CBX6: variants seen among roughly 807,000 people sequenced by gnomAD.
CBX6 encodes the protein chromobox protein homolog 6.
In CBX6, 7 loss-of-function variants were observed where a neutral mutation model predicts 28.4. That is an observed-to-expected ratio of 0.25 (90% confidence interval 0.14 to 0.46). The LOEUF (loss-of-function observed/expected upper bound fraction) is 0.46, where lower values mean the gene tolerates loss of function less well. Among genes scored for constraint, CBX6 ranks in the 20% least tolerant of loss-of-function variants. The probability of loss-of-function intolerance (pLI) is 0.99; values close to 1 mark genes in which losing one functional copy is unlikely to be tolerated. For synonymous variants in CBX6, 297 were observed against 273.4 expected (o/e 1.09, Z -0.85); for missense variants, 512 against 606.1 (o/e 0.84, Z 1.63).
rs1396956318 is a variant in CBX6, at chr22:38,865,911, G to A, written c.*298C>T. 2.3e-6 allele frequency: 1 copy of A among 428,872 alleles called. No homozygotes were observed. Among genetic ancestry groups the A allele is most frequent in the Non-Finnish European group, 4.2e-6 (1 of 239,912 alleles). The allele number at this position is 428,872 out of a possible 1,614,324, so 26.6% of individuals were successfully genotyped here. The stretch of plus-strand genomic sequence containing the variant: ...AGGAGAGCAGGAAGCAAGCTAGAGA[G>A]ACAGGTGGGATGTGGAAGGGGCAGA... On this transcript the variant is annotated 3_prime_UTR_variant, in exon 5 of 5. Coordinates refer to ENST00000407418, the MANE Select transcript of CBX6 (RefSeq NM_014292.5).
In CBX6 at chr22:38,865,621, G is replaced by A. The variant is rs41281245; in HGVS notation, c.*588C>T. ...AGGAAAGAGCCAGGGCTGGGGCAGG[G>A]CATAGGGGGTCTACTTAGGCCTCGT... On this transcript the variant is annotated 3_prime_UTR_variant, in exon 5 of 5. Coordinates refer to ENST00000407418, the MANE Select transcript of CBX6 (RefSeq NM_014292.5). The A allele has an allele frequency of 6.0e-3, 924 of 154,374 alleles. 3 individuals are homozygous for A. Among genetic ancestry groups the A allele is most frequent in the Non-Finnish European group, 0.01 (704 of 69,206 alleles). The allele number at this position is 154,374 out of a possible 1,614,324, so 9.6% of individuals were successfully genotyped here. A position where few individuals can be genotyped will look rare whatever the true frequency, so the allele number is the denominator to read the frequency against.
chr22:38,868,436 A>T (rs2093175415), intron 4 of CBX6, among the ~76,000 whole-genome samples: 1 of 152,206 alleles, frequency 6.6e-6, no homozygotes, highest in Admixed American at 6.5e-5. Flanking sequence ...CCTGGTCCTT[A>T]CTGAGCCCTG....
chr22:38,867,221 T>TGGGGG lies in CBX6; in HGVS notation c.247-21_247-20insCCCCC. The TGGGGG allele has an allele frequency of 2.7e-6, 1 of 373,922 alleles. No individual in the cohort carries two copies. Among genetic ancestry groups the TGGGGG allele is most frequent in the Non-Finnish European group, 5.2e-6 (1 of 193,756 alleles). 23.2% of individuals were successfully genotyped at this position (373,922 alleles called of 1,614,324 possible). On this transcript the variant is annotated intron_variant, in intron 4 of 4. Coordinates refer to ENST00000407418, the MANE Select transcript of CBX6 (RefSeq NM_014292.5). Reference sequence around the variant, plus strand: ...CCGCGCCTGCGGGCAGAGGGAGGGGTGGGTGGGACCTCAGGACTGCCCGCT... The same window carrying TGGGGG: ...CCGCGCCTGCGGGCAGAGGGAGGGGTGGGGGGGGTGGGACCTCAGGACTGCCCGCT...
At position 38,866,095 on chromosome 22, in the gene CBX6, T is replaced by C. The variant is rs2093168640; in HGVS notation, c.*114A>G. ...CCATCCCTGGGTCAACACCGAGCCA[T>C]TTGAGACAAGCAAAGCACAGGGAGA... On this transcript the variant is annotated 3_prime_UTR_variant, in exon 5 of 5. Transcript: ENST00000407418. The surrounding 1 kb of genome is among the most constrained non-coding windows in gnomAD (Gnocchi z 7.5). 1.2e-6 allele frequency: 1 copy of C among 859,330 alleles called. No individual in the cohort carries two copies. The highest frequency in any genetic ancestry group is 1.8e-6 in the Non-Finnish European group (1 of 567,890). The allele number at this position is 859,330 out of a possible 1,614,324, so 53.2% of individuals were successfully genotyped here. A position where few individuals can be genotyped will look rare whatever the true frequency, so the allele number is the denominator to read the frequency against.
At position 38,864,677 on chromosome 22, in the gene CBX6, G is replaced by A. The variant is rs2093165328; in HGVS notation, c.*1532C>T. ...GCCTCCCATTCTTAGGACCAAAGGC[G>A]CTAGGGTTCTGATCGGCCTCCTGCC... On this transcript the variant is annotated 3_prime_UTR_variant, in exon 5 of 5. Coordinates refer to ENST00000407418, the MANE Select transcript of CBX6 (RefSeq NM_014292.5). 6.6e-6 allele frequency: 1 copy of A among 152,332 alleles called. No homozygotes were observed. Among genetic ancestry groups the A allele is most frequent in the Non-Finnish European group, 1.5e-5 (1 of 68,100 alleles). The allele number at this position is 152,332 out of a possible 1,614,324, so 9.4% of individuals were successfully genotyped here. A position where few individuals can be genotyped will look rare whatever the true frequency, so the allele number is the denominator to read the frequency against.
chr22:38,871,931 G>A lies in CBX6; in HGVS notation c.84C>T (p.Tyr28=), dbSNP rs1414612263. The A allele has an allele frequency of 1.3e-6, 2 of 1,535,842 alleles. No individual in the cohort carries two copies. Among genetic ancestry groups the A allele is most frequent in the Admixed American group, 2.0e-5 (1 of 50,082 alleles). The change falls in exon 2 of 5, where the codon TAC becomes TAT. Residue 28 remains tyrosine (Y), a synonymous_variant. Transcript: ENST00000407418. The surrounding 1 kb of genome is among the most constrained non-coding windows in gnomAD (Gnocchi z 5.6). ...KRRIRKGRIE[Y]LVKWKGWAIK... Reference sequence around the variant, plus strand: ...TCGCCCACCCCTTCCATTTCACCAGGTACTCGATGCGTCCCTGAAAAACAG... The same window carrying A: ...TCGCCCACCCCTTCCATTTCACCAGATACTCGATGCGTCCCTGAAAAACAG...
intron 4 of CBX6, among the ~76,000 whole-genome samples, chr22:38,868,935 G>A (rs949448787): frequency 1.3e-5 from 2 of 152,204 alleles, no homozygotes; most frequent in Non-Finnish European, 2.9e-5. Flanking sequence ...AGAACGTGGC[G>A]TTCACCCCCA....
At chr22:38,867,282 A>G in intron 4 of CBX6, 81 bp from the exon 5 acceptor site, 1 of 1,261,280 alleles carries the variant, frequency 7.9e-7, no homozygotes, top group South Asian at 1.5e-5. Context: ...AGCCAGCCCT[A>G]AGTAGAGCCT....
In CBX6 at chr22:38,861,814, G is replaced by A. The variant is rs2093157869; in HGVS notation, c.*4395C>T. The A allele has an allele frequency of 6.6e-6, 1 of 151,992 alleles. No homozygotes were observed. The highest frequency in any genetic ancestry group is 1.5e-5 in the Non-Finnish European group (1 of 68,012). The allele number at this position is 151,992 out of a possible 1,614,324, so 9.4% of individuals were successfully genotyped here. On this transcript the variant is annotated 3_prime_UTR_variant, in exon 5 of 5. Transcript: ENST00000407418. ...GCTGGATGGTTGAACCACATACAAA[G>A]GCAACAACACTTCATTTTAAAAATG...
chr22:38,871,757 C>T lies in CBX6; in HGVS notation c.114G>A (p.Lys38=). 6.2e-7 allele frequency: 1 copy of T among 1,608,852 alleles called. No individual in the cohort carries two copies. The highest frequency in any genetic ancestry group is 8.5e-7 in the Non-Finnish European group (1 of 1,176,748). The change falls in exon 3 of 5, where the codon AAG becomes AAA. Residue 38 remains lysine (K), a splice_region_variant and synonymous_variant. Coordinates refer to ENST00000407418, the MANE Select transcript of CBX6 (RefSeq NM_014292.5). This position sits in a 1 kb window ranked among gnomAD's most constrained non-coding sequence, Gnocchi z 5.6. ...YLVKWKGWAI[K]YSTWEPEENI... ...TCTCCTCGGGCTCCCAAGTGCTGTACCTGCCGAGTCACAAACGCACAAAAT... is the reference window on the plus strand; with the variant it reads ...TCTCCTCGGGCTCCCAAGTGCTGTATCTGCCGAGTCACAAACGCACAAAAT...
chr22:38,872,044 G>A lies in CBX6; in HGVS notation c.69+78C>T. 1.5e-6 allele frequency: 2 copies of A among 1,329,912 alleles called. No individual in the cohort carries two copies. The highest frequency in any genetic ancestry group is 1.9e-6 in the Non-Finnish European group (2 of 1,032,156). The allele number at this position is 1,329,912 out of a possible 1,614,324, so 82.4% of individuals were successfully genotyped here. ...GGCTGGGCGAGGGAGCCGGGCTAGC[G>A]GGACCGCTTCGCCCCGAGGGCCCCC... is the stretch of plus-strand genomic sequence containing the variant. On this transcript the variant is annotated intron_variant, in intron 1 of 4. Transcript: ENST00000407418. The surrounding 1 kb of genome is among the most constrained non-coding windows in gnomAD (Gnocchi z 5.0).
intron 4 of CBX6, among the ~76,000 whole-genome samples, chr22:38,867,659 G>A (rs115455507): frequency 1.3e-5 from 2 of 152,374 alleles, no homozygotes; most frequent in African/African-American, 2.4e-5. Context: ...ACAGAAAGGA[G>A]GAGGTGGGTC....
At position 38,862,351 on chromosome 22, in the gene CBX6, G is replaced by A. The variant is rs1173366186; in HGVS notation, c.*3858C>T. The A allele has an allele frequency of 6.6e-6, 1 of 152,024 alleles. No homozygotes were observed. The highest frequency in any genetic ancestry group is 1.5e-5 in the Non-Finnish European group (1 of 68,014). The allele number at this position is 152,024 out of a possible 1,614,324, so 9.4% of individuals were successfully genotyped here. A position where few individuals can be genotyped will look rare whatever the true frequency, so the allele number is the denominator to read the frequency against. On this transcript the variant is annotated 3_prime_UTR_variant, in exon 5 of 5. Coordinates refer to ENST00000407418, the MANE Select transcript of CBX6 (RefSeq NM_014292.5). ...TAATTCTGGGCTTTCTATATGAGAG[G>A]ACATGCAGATAGGGAAGAAACTAAA...
Position 38,871,434 on chromosome 22 carries a change from G to T in CBX6, c.246+46C>A. On this transcript the variant is annotated intron_variant, in intron 4 of 4. Coordinates refer to ENST00000407418, the MANE Select transcript of CBX6 (RefSeq NM_014292.5). The surrounding 1 kb of genome is among the most constrained non-coding windows in gnomAD (Gnocchi z 5.6). ...CTTCCAGGCCCCGTGCTGTGCCGGG[G>T]CTGGGGGCCCGAGAGGGGGATGCTG... The T allele has an allele frequency of 6.4e-7, 1 of 1,557,096 alleles. No homozygotes were observed. The highest frequency in any genetic ancestry group is 1.4e-5 in the African/African-American group (1 of 73,068).
At chr22:38,867,944 C>T (rs2093174511) in intron 4 of CBX6, among the ~76,000 whole-genome samples, 1 of 152,238 alleles carries the variant, frequency 6.6e-6, no homozygotes, top group Admixed American at 6.5e-5. Flanking sequence ...GGCCCGACCA[C>T]TGCCTATTCT....
In CBX6 at chr22:38,861,514, C is replaced by T. The variant is rs769423360; in HGVS notation, c.*4695G>A. On this transcript the variant is annotated 3_prime_UTR_variant, in exon 5 of 5. Transcript: ENST00000407418. The stretch of plus-strand genomic sequence containing the variant: ...TGGGGGGTAAAAGAGGCTTTTCACC[C>T]CCCTTTCCTGGCGTTGATACAATAT... 4.6e-5 allele frequency: 7 copies of T among 152,190 alleles called. No individual in the cohort carries two copies. The highest frequency in any genetic ancestry group is 8.8e-5 in the Non-Finnish European group (6 of 68,068). The allele number at this position is 152,190 out of a possible 1,614,324, so 9.4% of individuals were successfully genotyped here. A position where few individuals can be genotyped will look rare whatever the true frequency, so the allele number is the denominator to read the frequency against.
In CBX6 at chr22:38,866,514, C is replaced by A. The variant is rs745659156; in HGVS notation, c.934G>T (p.Val312Leu). 3 of 1,584,894 alleles carry A rather than the reference C, an allele frequency of 1.9e-6. No homozygotes were observed. The highest frequency in any genetic ancestry group is 1.3e-5 in the African/African-American group (1 of 74,796). ...PSAPSWREPE[V>L]LDLSLPPESA... ...TCGGGAGGGAGGGACAGGTCGAGCA[C>A]CTCCGGCTCGCGCCAGCTGGGGGCG... The change falls in exon 5 of 5, where the codon GTG becomes TTG. Residue 312 changes from valine to leucine, a missense_variant. Transcript: ENST00000407418. This position sits in a 1 kb window ranked among gnomAD's most constrained non-coding sequence, Gnocchi z 7.5.
rs2093157935 is a variant in CBX6, at chr22:38,861,864, C to T, written c.*4345G>A. ...GAGAGAAAAAAGAGACAGTGCCCCT[C>T]CCCAAATATAGAGCTATATATGTAT... On this transcript the variant is annotated 3_prime_UTR_variant, in exon 5 of 5. Transcript: ENST00000407418. 6.6e-6 allele frequency: 1 copy of T among 152,188 alleles called. No homozygotes were observed. Among genetic ancestry groups the T allele is most frequent in the Non-Finnish European group, 1.5e-5 (1 of 68,040 alleles). 9.4% of individuals were successfully genotyped at this position (152,188 alleles called of 1,614,324 possible).
rs1457565532 is a variant in CBX6, at chr22:38,870,615, C to G, written c.246+865G>C. On this transcript the variant is annotated intron_variant, in intron 4 of 4. Transcript: ENST00000407418. The surrounding 1 kb of genome is among the most constrained non-coding windows in gnomAD (Gnocchi z 4.3). Reference sequence around the variant, plus strand: ...TGCTTCTCTTCTCCGAAAAAGAGTCCTCCCACAAAGTCACCGGCTGTCGGG... The same window carrying G: ...TGCTTCTCTTCTCCGAAAAAGAGTCGTCCCACAAAGTCACCGGCTGTCGGG... 6.6e-6 allele frequency: 1 copy of G among 152,228 alleles called. No individual in the cohort carries two copies. Among genetic ancestry groups the G allele is most frequent in the Non-Finnish European group, 1.5e-5 (1 of 68,046 alleles). 9.4% of individuals were successfully genotyped at this position (152,228 alleles called of 1,614,324 possible). A position where few individuals can be genotyped will look rare whatever the true frequency, so the allele number is the denominator to read the frequency against.
Sources: allele counts gnomAD v4.1 joint callset (sites outside exome capture counted in the v4.1 genomes callset), GRCh38; gene constraint gnomAD v4.1.1; non-coding constraint Gnocchi (gnomAD v3.1); transcripts MANE v1.5; gene names NCBI Gene and HGNC (gene_info 2026-07-23, HGNC 2026-07-21).